Variants in CYRIA observed in about 807,000 individuals in gnomAD.
CYRIA encodes CYFIP related Rac1 interactor A.
Under a neutral mutation model 43.9 loss-of-function variants are expected in CYRIA, and 15 were observed. That is an observed-to-expected ratio of 0.34 (90% confidence interval 0.23 to 0.53). The LOEUF is 0.53. CYRIA is among the 20% of genes least tolerant of loss of function. The pLI, the probability that CYRIA is intolerant of heterozygous loss-of-function variation, is 0.94. For missense variants in CYRIA, 236 were observed against 394.2 expected (o/e 0.60, Z 3.40); for synonymous variants, 117 against 136.0 (o/e 0.86, Z 0.97).
intron 2 of CYRIA, among the ~76,000 whole-genome samples, chr2:16,605,850 T>C (rs1185525692): frequency 1.2e-4 from 18 of 152,160 alleles, no homozygotes; most frequent in Admixed American, 1.2e-3. Context: ...GAGCTGTAGG[T>C]GAAGGCTTGT....
chr2:16,655,900 G>A (rs924477317), intron 1 of CYRIA, among the ~76,000 whole-genome samples: 3 of 151,978 alleles, frequency 2.0e-5, no homozygotes, highest in Non-Finnish European at 4.4e-5. Context: ...TGTTTCTGAA[G>A]CAGCAGAATT....
chr2:16,588,093 G>C lies in CYRIA; in HGVS notation c.27C>G (p.Thr9=). 2 of 1,606,810 alleles carry C rather than the reference G, an allele frequency of 1.2e-6. No individual in the cohort carries two copies. The highest frequency in any genetic ancestry group is 1.1e-5 in the South Asian group (1 of 89,660). The change falls in exon 3 of 12, where the codon ACC becomes ACG. Residue 9 remains threonine, a synonymous_variant. Transcript: ENST00000381323. The part of the protein sequence containing the change: MGNLLKVL[T]REIENYPHFF... ...AGTGTGGATAGTTTTCAATTTCCCT[G>C]GTAAGGACTTTGAGCAGGTTTCCCA...
rs1163618150 is a variant in CYRIA, at chr2:16,555,132, C to T, written c.845G>A (p.Gly282Asp). 1 of 1,612,386 alleles carries T rather than the reference C, an allele frequency of 6.2e-7. No homozygotes were observed. Among genetic ancestry groups the T allele is most frequent in the East Asian group, 2.2e-5 (1 of 44,836 alleles). The change falls in exon 11 of 12, where the codon GGC (glycine) becomes GAC (aspartate). Residue 282 changes from glycine to aspartate, a missense_variant. Physicochemically the swap from Gly to Asp is moderately conservative, Grantham distance 94. This residue lies in a region of CYRIA where 40 missense variants were observed against 62.2 expected (regional missense o/e 0.64). Coordinates refer to ENST00000381323, the MANE Select transcript of CYRIA (RefSeq NM_030797.4). ...FCKTSKIDMK[G>D]CIKVLKEQAP... ...CTGCTCCTTCAAAACTTTTATGCAGCCTTTCATCTAGGAGGAGAAAGCACA... is the reference window on the plus strand; with the variant it reads ...CTGCTCCTTCAAAACTTTTATGCAGTCTTTCATCTAGGAGGAGAAAGCACA...
intron 2 of CYRIA, among the ~76,000 whole-genome samples, chr2:16,611,357 C>T (rs1572504859): frequency 6.6e-6 from 1 of 152,066 alleles, no homozygotes. Flanking sequence ...GAGAGAGACG[C>T]CATCTCAAAA....
chr2:16,558,293 C>T (rs527318286), intron 10 of CYRIA, among the ~76,000 whole-genome samples: 1 of 152,178 alleles, frequency 6.6e-6, no homozygotes, highest in South Asian at 2.1e-4. Flanking sequence ...AGAAACATGA[C>T]TAACTATACT....
In CYRIA at chr2:16,552,273, C is replaced by T. The variant is rs1013836468; in HGVS notation, c.*663G>A. Reference sequence around the variant, plus strand: ...GTGGCAACAGCACATCTATCTATTTCTGCTGCTCTCCCACTAACTGAAAAA... The same window carrying T: ...GTGGCAACAGCACATCTATCTATTTTTGCTGCTCTCCCACTAACTGAAAAA... On this transcript the variant is annotated 3_prime_UTR_variant, in exon 12 of 12. Transcript: ENST00000381323. 1 of 151,750 alleles carries T rather than the reference C, an allele frequency of 6.6e-6. No individual in the cohort carries two copies. The highest frequency in any genetic ancestry group is 2.4e-5 in the African/African-American group (1 of 41,380). 9.4% of individuals were successfully genotyped at this position (151,750 alleles called of 1,614,324 possible). A position where few individuals can be genotyped will look rare whatever the true frequency, so the allele number is the denominator to read the frequency against.
Position 16,563,970 on chromosome 2 carries a change from A to T in CYRIA, c.298+19T>A, listed in dbSNP as rs1422984546. On this transcript the variant is annotated intron_variant, in intron 5 of 11. Coordinates refer to ENST00000381323, the MANE Select transcript of CYRIA (RefSeq NM_030797.4). The stretch of plus-strand genomic sequence containing the variant: ...AGAACTCCGTATGTGGGCCATGAAA[A>T]CTACAAATACATACTCACCTAGTCT... 6.3e-7 allele frequency: 1 copy of T among 1,582,184 alleles called. No individual in the cohort carries two copies.
chr2:16,573,345 G>A (rs543649794), intron 3 of CYRIA, among the ~76,000 whole-genome samples: 18 of 152,278 alleles, frequency 1.2e-4, no homozygotes, highest in Middle Eastern at 3.4e-3. Context: ...ATTAACCACC[G>A]GACGACTGAT....
intron 3 of CYRIA, among the ~76,000 whole-genome samples, chr2:16,583,580 G>T (rs1572479690): frequency 6.6e-6 from 1 of 152,180 alleles, no homozygotes; most frequent in African/African-American, 2.4e-5. Context: ...TCATTGAAAG[G>T]TTAATGCCTA....
In CYRIA at chr2:16,645,101, C is replaced by T. The variant is rs534780526; in HGVS notation, c.-167+20679G>A. On this transcript the variant is annotated intron_variant, in intron 1 of 11. Coordinates refer to ENST00000381323, the MANE Select transcript of CYRIA (RefSeq NM_030797.4). ...AGATGTTTCAGGGACAATCCATAGGCGAGCAGAAGTGATCCATGAGAATCA... is the reference window on the plus strand; with the variant it reads ...AGATGTTTCAGGGACAATCCATAGGTGAGCAGAAGTGATCCATGAGAATCA... Among the ~76,000 whole-genome samples, 10 of 152,272 alleles carry T rather than the reference C, an allele frequency of 6.6e-5. No individual in the cohort carries two copies. The South Asian group carries it at 1.7e-3, about 25-fold the overall frequency.
intron 1 of CYRIA, among the ~76,000 whole-genome samples, chr2:16,659,882 C>T (rs1670202686): frequency 6.6e-6 from 1 of 152,158 alleles, no homozygotes; most frequent in Non-Finnish European, 1.5e-5. Flanking sequence ...CCTTCTTCTG[C>T]ATTCACTGTG....
chr2:16,592,106 C>T (rs976858380), intron 2 of CYRIA, among the ~76,000 whole-genome samples: 5 of 152,134 alleles, frequency 3.3e-5, no homozygotes, highest in East Asian at 1.9e-4. Flanking sequence ...AAATCTGAAA[C>T]GCTCCAAAAT....
Position 16,641,580 on chromosome 2 carries a change from C to G in CYRIA, c.-166-17561G>C, listed in dbSNP as rs182825821. The stretch of plus-strand genomic sequence containing the variant: ...TTCTTTTGCTGTAACAGATTCTAGA[C>G]ACCTTGCTTTTCTCCTTAGGCTGTA... On this transcript the variant is annotated intron_variant, in intron 1 of 11. Coordinates refer to ENST00000381323, the MANE Select transcript of CYRIA (RefSeq NM_030797.4). Among the ~76,000 whole-genome samples, 4 of 152,338 alleles carry G rather than the reference C, an allele frequency of 2.6e-5. No individual in the cohort carries two copies. In the East Asian group the frequency reaches 7.7e-4, roughly 29 times the overall value.
intron 1 of CYRIA, among the ~76,000 whole-genome samples, chr2:16,656,354 C>T (rs1670112705): frequency 6.6e-6 from 1 of 152,152 alleles, no homozygotes; most frequent in South Asian, 2.1e-4. Flanking sequence ...CCATTCAAAC[C>T]ACACACATCA....
In CYRIA at chr2:16,650,471, A is replaced by G. The variant is rs2103547166; in HGVS notation, c.-167+15309T>C. 6.6e-6 allele frequency among the ~76,000 whole-genome samples: 1 copy of G among 152,384 alleles called. No homozygotes were observed. The highest frequency in any genetic ancestry group is 2.4e-5 in the African/African-American group (1 of 41,594). On this transcript the variant is annotated intron_variant, in intron 1 of 11. Transcript: ENST00000381323. The surrounding 1 kb of genome is among the most constrained non-coding windows in gnomAD (Gnocchi z 4.1). ...TAAAGGTTTCATTGGTCTCTGGGCC[A>G]GTTCCTGATATCAGGGATGATGCAA...
chr2:16,579,121 A>C (rs887847695), intron 3 of CYRIA, among the ~76,000 whole-genome samples: 1 of 152,210 alleles, frequency 6.6e-6, no homozygotes, highest in African/African-American at 2.4e-5. Flanking sequence ...CAAGTGCTTT[A>C]AGAAAAACAA....
At chr2:16,565,791 A>G in intron 3 of CYRIA, 24 bp from the exon 4 acceptor site, 1 of 1,542,660 alleles carries the variant, frequency 6.5e-7, no homozygotes, top group Non-Finnish European at 8.8e-7. Flanking sequence ...AAACCGAGAG[A>G]CAGAGTGCTG....
intron 10 of CYRIA, among the ~76,000 whole-genome samples, chr2:16,559,040 G>C (rs1342872763): frequency 6.6e-6 from 1 of 152,164 alleles, no homozygotes; most frequent in East Asian, 1.9e-4. Flanking sequence ...GGAGCAACAG[G>C]TAGTGGTGGG....
intron 3 of CYRIA, among the ~76,000 whole-genome samples, chr2:16,569,358 G>T (rs1347978616): frequency 1.3e-5 from 2 of 152,204 alleles, no homozygotes; most frequent in Non-Finnish European, 2.9e-5. Flanking sequence ...TATTTCTCAT[G>T]TGGTTTAGCA....
Sources: allele counts gnomAD v4.1 joint callset (sites outside exome capture counted in the v4.1 genomes callset), GRCh38; gene constraint gnomAD v4.1.1; regional missense constraint gnomAD v4.1.1; non-coding constraint Gnocchi (gnomAD v3.1); transcripts MANE v1.5; gene names NCBI Gene and HGNC (gene_info 2026-07-23, HGNC 2026-07-21).